LIPI: variants seen among roughly 807,000 people sequenced by gnomAD.
LIPI encodes the protein lipase I, also known as lipase member I.
LIPI carries 59 observed loss-of-function variants against 50.6 expected under a neutral mutation model. The ratio of observed to expected loss-of-function variants is 1.16; its 90% confidence interval spans 0.94 to 1.45. The LOEUF is 1.45. Among genes scored for constraint, LIPI ranks in the 40% most tolerant of loss-of-function variants. The pLI, the probability that LIPI is intolerant of heterozygous loss-of-function variation, is 0.00. For synonymous variants in LIPI, 203 were observed against 178.2 expected (o/e 1.14, Z -1.11); for missense variants, 586 against 536.3 (o/e 1.09, Z -0.92).
At chr21:14,190,127 A>T (rs1158086660) in intron 1 of LIPI, among the ~76,000 whole-genome samples, 1 of 152,118 alleles carries the variant, frequency 6.6e-6, no homozygotes, top group Non-Finnish European at 1.5e-5. Flanking sequence ...ATTTTCATCC[A>T]TGTGTGCATT....
intron 3 of LIPI, among the ~76,000 whole-genome samples, 184 bp from the exon 4 acceptor site, chr21:14,182,043 A>C (rs1568872623): frequency 6.6e-6 from 1 of 152,238 alleles, no homozygotes; most frequent in Non-Finnish European, 1.5e-5. Flanking sequence ...TATTTGAATA[A>C]TACTACTAAC....
rs1380362699 is a variant in LIPI at position 14,177,760 on chromosome 21, CATT to C, written c.643+3995_643+3997del. Among the ~76,000 whole-genome samples, 37 of 152,128 alleles carry C rather than the reference CATT, an allele frequency of 2.4e-4. 2 individuals are homozygous for C. The highest frequency in any genetic ancestry group is 6.8e-3 in the Middle Eastern group (2 of 292). On this transcript the variant is annotated intron_variant, in intron 4 of 9. Coordinates refer to ENST00000681601, the MANE Select transcript of LIPI (RefSeq NM_001302998.2). ...TTTTCTATATTTCAAGTCCATAAAA[CATT>C]ATTAATAGTATTTTATGCCATCAAC...
chr21:14,110,130 G>T (rs180832376), intron 9 of LIPI, among the ~76,000 whole-genome samples: 10 of 151,628 alleles, frequency 6.6e-5, no homozygotes, highest in African/African-American at 2.4e-4. Context: ...TAATAAAAAA[G>T]AAATATAGTA....
chr21:14,121,451 A>C (rs553209304), intron 9 of LIPI, among the ~76,000 whole-genome samples: 1 of 152,218 alleles, frequency 6.6e-6, no homozygotes, highest in African/African-American at 2.4e-5. Context: ...GACCAACTGC[A>C]CTTATATCTC....
intron 7 of LIPI, among the ~76,000 whole-genome samples, chr21:14,155,404 G>T (rs1335971257): frequency 6.6e-6 from 1 of 151,834 alleles, no homozygotes; most frequent in Non-Finnish European, 1.5e-5. Context: ...GAGAGTGTGG[G>T]GCTGTGACAT....
At chr21:14,144,455 CA>C (rs764373211) in intron 9 of LIPI, 167 bp downstream of exon 9, 14 of 436,012 alleles carry the variant, frequency 3.2e-5, no homozygotes, top group South Asian at 2.4e-4. Flanking sequence ...TTATTAAAGC[CA>C]AAAAAACCTT....
chr21:14,196,172 A>AAAT lies in LIPI; in HGVS notation c.47-6754_47-6753insATT, dbSNP rs139955022. Among the ~76,000 whole-genome samples, 31 of 138,314 alleles carry AAAT rather than the reference A, an allele frequency of 2.2e-4. 1 individual carries two copies. Among genetic ancestry groups the AAAT allele is most frequent in the East Asian group, 1.0e-3 (5 of 4,892 alleles). The allele number at this position is 138,314 out of a possible 152,430, so 90.7% of individuals were successfully genotyped here. A position where few individuals can be genotyped will look rare whatever the true frequency, so the allele number is the denominator to read the frequency against. On this transcript the variant is annotated intron_variant, in intron 1 of 9. Coordinates refer to ENST00000681601, the MANE Select transcript of LIPI (RefSeq NM_001302998.2). Reference sequence around the variant, plus strand: ...CCAAATTGTAAAAAAAAAAAACAAAACAAGAAGTATATGGGTAAATAAACT... The same window carrying AAAT: ...CCAAATTGTAAAAAAAAAAAACAAAAAATCAAGAAGTATATGGGTAAATAAACT...
chr21:14,209,618 C>T (rs1240771243), intron 1 of LIPI, among the ~76,000 whole-genome samples: 1 of 152,070 alleles, frequency 6.6e-6, no homozygotes, highest in Non-Finnish European at 1.5e-5. Context: ...CATCATTACA[C>T]AAGAATTAGC....
chr21:14,153,092 T>C (rs2018155112), intron 7 of LIPI, among the ~76,000 whole-genome samples: 1 of 152,210 alleles, frequency 6.6e-6, no homozygotes, highest in Non-Finnish European at 1.5e-5. Context: ...AGCTATTGCT[T>C]GCCAAACGTA....
intron 1 of LIPI, among the ~76,000 whole-genome samples, chr21:14,205,555 C>G (rs380583): frequency 6.6e-5 from 10 of 151,832 alleles, no homozygotes; most frequent in African/African-American, 2.4e-4. Context: ...TACCTCCCCC[C>G]ACACACACAT....
At chr21:14,112,213 A>C (rs2016444237) in intron 9 of LIPI, among the ~76,000 whole-genome samples, 1 of 152,110 alleles carries the variant, frequency 6.6e-6, no homozygotes, top group South Asian at 2.1e-4. Context: ...TTTTTATGCC[A>C]GTATTATACT....
At chr21:14,204,715 G>A (rs2020177091) in intron 1 of LIPI, among the ~76,000 whole-genome samples, 1 of 151,886 alleles carries the variant, frequency 6.6e-6, no homozygotes, top group Non-Finnish European at 1.5e-5. Flanking sequence ...AGCAGTCAAA[G>A]GTGATGGATT....
chr21:14,187,654 A>G (rs2019501240), intron 2 of LIPI, among the ~76,000 whole-genome samples: 2 of 152,098 alleles, frequency 1.3e-5, no homozygotes, highest in South Asian at 4.1e-4. Context: ...TGTAATTAAT[A>G]GTCTGTTGGT....
At chr21:14,209,046 G>A (rs192239460) in intron 1 of LIPI, among the ~76,000 whole-genome samples, 1 of 152,024 alleles carries the variant, frequency 6.6e-6, no homozygotes, top group Non-Finnish European at 1.5e-5. Context: ...ATGAGACCCT[G>A]TCCAAAGAAA....
chr21:14,124,413 C>T (rs2016976764), intron 9 of LIPI, among the ~76,000 whole-genome samples: 1 of 152,156 alleles, frequency 6.6e-6, no homozygotes, highest in Non-Finnish European at 1.5e-5. Flanking sequence ...ACCCACCTCC[C>T]CCGACCCCGC....
rs2019273746 is a variant in LIPI at position 14,181,669 on chromosome 21, G to A, written c.643+89C>T. On this transcript the variant is annotated intron_variant, in intron 4 of 9. Transcript: ENST00000681601. ...GATTTAAAATCATTTTATCCATGAT[G>A]TTTTTTCTTCTTATGCCCTCCTCTT... 2.3e-5 allele frequency: 17 copies of A among 734,444 alleles called. No individual in the cohort carries two copies. The East Asian group carries it at 4.5e-4, about 20-fold the overall frequency. The allele number at this position is 734,444 out of a possible 1,614,324, so 45.5% of individuals were successfully genotyped here. A position where few individuals can be genotyped will look rare whatever the true frequency, so the allele number is the denominator to read the frequency against.
At chr21:14,201,575 C>T (rs376979650) in intron 1 of LIPI, among the ~76,000 whole-genome samples, 27 of 152,092 alleles carry the variant, frequency 1.8e-4, no homozygotes, top group Admixed American at 3.9e-4. Flanking sequence ...ACAGAACCAA[C>T]GACAAAAACC....
intron 3 of LIPI, among the ~76,000 whole-genome samples, chr21:14,184,690 T>G (rs1251531633): frequency 6.6e-6 from 1 of 152,204 alleles, no homozygotes; most frequent in Non-Finnish European, 1.5e-5. Flanking sequence ...GCCTGGTATT[T>G]GGGCCATTCA....
intron 8 of LIPI, among the ~76,000 whole-genome samples, chr21:14,149,384 C>A (rs1486855428): frequency 6.6e-6 from 1 of 152,170 alleles, no homozygotes. Context: ...GGGATTATTA[C>A]AATTCAAGGT....
Sources: allele counts gnomAD v4.1 joint callset (sites outside exome capture counted in the v4.1 genomes callset), GRCh38; gene constraint gnomAD v4.1.1; transcripts MANE v1.5; gene names NCBI Gene and HGNC (gene_info 2026-07-23, HGNC 2026-07-21).